TMTC1: variants seen among roughly 807,000 people sequenced by gnomAD.
The protein encoded by TMTC1 is transmembrane O-mannosyltransferase targeting cadherins 1.
Under a neutral mutation model 104.8 loss-of-function variants are expected in TMTC1, and 73 were observed. The observed-to-expected ratio is 0.70, with a 90% CI of 0.58 to 0.85. The LOEUF is 0.85. Ranked by LOEUF, TMTC1 falls within the 40% of genes least tolerant of loss-of-function variation. The pLI, the probability that TMTC1 is intolerant of heterozygous loss-of-function variation, is 0.00. For missense variants in TMTC1, 1,035 were observed against 1,096.1 expected (o/e 0.94, Z 0.79); for synonymous variants, 434 against 428.7 (o/e 1.01, Z -0.15).
At position 29,767,851 on chromosome 12, in the gene TMTC1, T is replaced by C. The variant is rs374505087; in HGVS notation, c.480+47A>G. 9.3e-5 allele frequency: 141 copies of C among 1,510,834 alleles called. 1 individual carries two copies. Among genetic ancestry groups the C allele is most frequent in the Middle Eastern group, 8.7e-4 (5 of 5,778 alleles). The allele number at this position is 1,510,834 out of a possible 1,614,324, so 93.6% of individuals were successfully genotyped here. ...GTGTATACACGTATACACGTATACA[T>C]ACACACATTCATATTCGTTATTTCA... On this transcript the variant is annotated intron_variant, in intron 2 of 17. Transcript: ENST00000539277.
intron 10 of TMTC1, among the ~76,000 whole-genome samples, chr12:29,549,542 A>T (rs1394025817): frequency 6.6e-6 from 1 of 152,142 alleles, no homozygotes; most frequent in Non-Finnish European, 1.5e-5. Context: ...TTATGCCTCA[A>T]TTTAAAAAAA....
At chr12:29,676,725 T>C (rs1374237542) in intron 5 of TMTC1, among the ~76,000 whole-genome samples, 1 of 152,162 alleles carries the variant, frequency 6.6e-6, no homozygotes, top group African/African-American at 2.4e-5. Context: ...GGATTAAAAA[T>C]CATGATTGAT....
At chr12:29,586,504 G>C (rs1019468032) in intron 7 of TMTC1, among the ~76,000 whole-genome samples, 2 of 152,082 alleles carry the variant, frequency 1.3e-5, no homozygotes, top group Non-Finnish European at 2.9e-5. Flanking sequence ...GGACATCCCT[G>C]TCTTGTGCCA....
intron 5 of TMTC1, among the ~76,000 whole-genome samples, chr12:29,641,435 G>A (rs772945127): frequency 2.6e-5 from 4 of 152,114 alleles, no homozygotes; most frequent in Non-Finnish European, 5.9e-5. Flanking sequence ...GACAACCCCT[G>A]GTACTAGCCC....
intron 6 of TMTC1, among the ~76,000 whole-genome samples, chr12:29,614,374 A>G (rs1001215064): frequency 6.6e-6 from 1 of 152,164 alleles, no homozygotes; most frequent in Non-Finnish European, 1.5e-5. Flanking sequence ...CTGATGGATC[A>G]TTTTGTTTCC....
intron 6 of TMTC1, chr12:29,610,116 T>C (rs2209662): frequency 0.45 from 67,793 of 152,108 alleles, 15,699 homozygotes; most frequent in African/African-American, 0.54. Flanking sequence ...ACCTCACTGG[T>C]CGCACCATGT....
intron 5 of TMTC1, among the ~76,000 whole-genome samples, chr12:29,710,137 T>G (rs1039502906): frequency 3.3e-5 from 5 of 152,138 alleles, no homozygotes; most frequent in African/African-American, 1.2e-4. Flanking sequence ...TTTTCTCGTT[T>G]GTTTCCCTCT....
At chr12:29,765,521 T>C (rs1943443177) in intron 2 of TMTC1, among the ~76,000 whole-genome samples, 1 of 152,108 alleles carries the variant, frequency 6.6e-6, no homozygotes. Context: ...CTCCCTATAA[T>C]AAAAAATATA....
chr12:29,697,344 T>C lies in TMTC1; in HGVS notation c.938+54322A>G, dbSNP rs1384663238. The stretch of plus-strand genomic sequence containing the variant: ...GTTATACTCTAAGCTTCTTTCTTCA[T>C]TCCCGGTGTCTACTATGATAACCTC... On this transcript the variant is annotated intron_variant, in intron 5 of 17. Coordinates refer to ENST00000539277, the MANE Select transcript of TMTC1 (RefSeq NM_001193451.2). Among the ~76,000 whole-genome samples the C allele has an allele frequency of 4.6e-5, 7 of 152,354 alleles. No homozygotes were observed. The East Asian group carries it at 7.7e-4, about 17-fold the overall frequency.
chr12:29,657,182 T>C (rs929430453), intron 5 of TMTC1, among the ~76,000 whole-genome samples: 1 of 152,184 alleles, frequency 6.6e-6, no homozygotes, highest in African/African-American at 2.4e-5. Flanking sequence ...CAAGAAGTCT[T>C]GGAATGAAAT....
chr12:29,708,208 T>C (rs1941802779), intron 5 of TMTC1, among the ~76,000 whole-genome samples: 1 of 152,262 alleles, frequency 6.6e-6, no homozygotes. Flanking sequence ...AATTGCAGAA[T>C]GAATATATAA....
At chr12:29,690,747 T>A (rs567212092) in intron 5 of TMTC1, among the ~76,000 whole-genome samples, 2 of 152,396 alleles carry the variant, frequency 1.3e-5, no homozygotes, top group African/African-American at 2.4e-5. Flanking sequence ...AATACAAATA[T>A]ACATTTTGTT....
At chr12:29,592,279 G>GT (rs1462361618) in intron 7 of TMTC1, among the ~76,000 whole-genome samples, 1 of 151,914 alleles carries the variant, frequency 6.6e-6, no homozygotes, top group Non-Finnish European at 1.5e-5. Context: ...TTCTCCCCTC[G>GT]TTTTTTATCT....
chr12:29,608,512 G>A (rs1353658934), intron 6 of TMTC1, among the ~76,000 whole-genome samples: 1 of 152,176 alleles, frequency 6.6e-6, no homozygotes, highest in Non-Finnish European at 1.5e-5. Context: ...TTGATTAACT[G>A]CAACTTCAGA....
chr12:29,705,944 A>G (rs1171048007), intron 5 of TMTC1, among the ~76,000 whole-genome samples: 1 of 150,260 alleles, frequency 6.7e-6, no homozygotes, highest in East Asian at 2.2e-4. Flanking sequence ...GGGCTGAAGA[A>G]AAAAAAAAGC....
intron 5 of TMTC1, among the ~76,000 whole-genome samples, chr12:29,746,424 G>T (rs1352616407): frequency 6.6e-6 from 1 of 152,118 alleles, no homozygotes; most frequent in Non-Finnish European, 1.5e-5. Flanking sequence ...TAGCTCACTA[G>T]GTTTCTCTCA....
At chr12:29,656,048 A>G (rs1030684954) in intron 5 of TMTC1, among the ~76,000 whole-genome samples, 16 of 152,272 alleles carry the variant, frequency 1.1e-4, no homozygotes, top group African/African-American at 3.6e-4. Context: ...GTTACTCACA[A>G]CAGACTGCAG....
In TMTC1 at chr12:29,767,539, T is replaced by C. The variant is rs568180463; in HGVS notation, c.480+359A>G. ...TTAAAACACATTAGGACTTAAATTA[T>C]CTGCAAATACAAAACTGAACAAACT... On this transcript the variant is annotated intron_variant, in intron 2 of 17. Coordinates refer to ENST00000539277, the MANE Select transcript of TMTC1 (RefSeq NM_001193451.2). Among the ~76,000 whole-genome samples, 5 of 152,334 alleles carry C rather than the reference T, an allele frequency of 3.3e-5. No individual in the cohort carries two copies. In the East Asian group the frequency reaches 9.6e-4, roughly 29 times the overall value.
chr12:29,756,909 A>G (rs1238949570), intron 3 of TMTC1, among the ~76,000 whole-genome samples: 1 of 152,216 alleles, frequency 6.6e-6, no homozygotes, highest in East Asian at 1.9e-4. Flanking sequence ...CCAATCTGTA[A>G]TAACATGGCT....
Sources: allele counts gnomAD v4.1 joint callset (sites outside exome capture counted in the v4.1 genomes callset), GRCh38; gene constraint gnomAD v4.1.1; transcripts MANE v1.5; gene names NCBI Gene and HGNC (gene_info 2026-07-23, HGNC 2026-07-21).